KAZN: variants seen among roughly 807,000 people sequenced by gnomAD.
The protein encoded by KAZN is kazrin.
KAZN carries 40 observed loss-of-function variants against 87.4 expected under a neutral mutation model. The observed-to-expected ratio is 0.46, with a 90% CI of 0.36 to 0.60. KAZN has a LOEUF of 0.60. KAZN is among the 20% of genes least tolerant of loss of function. The probability of loss-of-function intolerance (pLI) is 0.00; values close to 1 mark genes in which losing one functional copy is unlikely to be tolerated. For synonymous variants in KAZN, 466 were observed against 458.3 expected (o/e 1.02, Z -0.22); for missense variants, 898 against 1,073.9 (o/e 0.84, Z 2.29).
At chr1:14,064,157 C>G (rs996266608) in intron 1 of KAZN, among the ~76,000 whole-genome samples, 1 of 152,130 alleles carries the variant, frequency 6.6e-6, no homozygotes, top group Non-Finnish European at 1.5e-5. Context: ...ACCTCATGAT[C>G]CCTTGGAAGT....
At chr1:14,470,785 TG>T (rs1387406371) in intron 2 of KAZN, among the ~76,000 whole-genome samples, 2 of 152,218 alleles carry the variant, frequency 1.3e-5, no homozygotes, top group Non-Finnish European at 2.9e-5. Flanking sequence ...GTCTCCAGGA[TG>T]GCTCCCCAAG....
At chr1:14,757,823 C>T (rs1644611125) in intron 1 of KAZN, among the ~76,000 whole-genome samples, 1 of 152,124 alleles carries the variant, frequency 6.6e-6, no homozygotes, top group Non-Finnish European at 1.5e-5. Flanking sequence ...ATTCATTTTC[C>T]TGATTGTCCA....
chr1:14,160,854 G>A (rs1645694990), intron 1 of KAZN, among the ~76,000 whole-genome samples: 1 of 152,174 alleles, frequency 6.6e-6, no homozygotes, highest in Non-Finnish European at 1.5e-5. Flanking sequence ...TGTTTTAGAA[G>A]ATTGCATCTG....
chr1:14,146,877 T>A (rs150959241), intron 1 of KAZN, among the ~76,000 whole-genome samples: 2 of 152,116 alleles, frequency 1.3e-5, no homozygotes, highest in African/African-American at 4.8e-5. Flanking sequence ...GGAGATATGG[T>A]TGATCCTTGA....
Position 14,384,924 on chromosome 1 carries a change from C to T in KAZN, c.249+204332C>T, listed in dbSNP as rs557590051. ...TCCTCCTTGTACCTCTGGTAGAATT[C>T]GGCTGTGAATCCATCTGGTCCTGGA... On this transcript the variant is annotated intron_variant, in intron 2 of 16. Coordinates refer to the KAZN transcript ENST00000636203. Among the ~76,000 whole-genome samples the T allele has an allele frequency of 3.3e-4, 50 of 151,586 alleles. 1 individual carries two copies. The highest frequency in any genetic ancestry group is 3.4e-3 in the Middle Eastern group (1 of 294).
At chr1:14,289,512 T>G (rs1170914606) in intron 2 of KAZN, among the ~76,000 whole-genome samples, 1 of 152,032 alleles carries the variant, frequency 6.6e-6, no homozygotes, top group Non-Finnish European at 1.5e-5. Context: ...ACTCTGCCTT[T>G]TTTTTTTTAC....
intron 2 of KAZN, among the ~76,000 whole-genome samples, chr1:14,331,421 T>G (rs2100871827): frequency 6.6e-6 from 1 of 152,328 alleles, no homozygotes; most frequent in South Asian, 2.1e-4. Context: ...CAGTAGTTTC[T>G]GAGATATTGA....
chr1:14,805,623 T>G (rs926007113), intron 1 of KAZN, among the ~76,000 whole-genome samples: 1 of 151,914 alleles, frequency 6.6e-6, no homozygotes, highest in Non-Finnish European at 1.5e-5. Context: ...CCCAGCATGG[T>G]GGCTCATGAC....
chr1:14,295,881 C>T (rs1222237207), intron 2 of KAZN, among the ~76,000 whole-genome samples: 1 of 152,152 alleles, frequency 6.6e-6, no homozygotes, highest in East Asian at 1.9e-4. Context: ...CTGTCTGCCT[C>T]TTCTGGAGTT....
chr1:14,898,871 T>C (rs564153255), intron 1 of KAZN, among the ~76,000 whole-genome samples: 1 of 152,214 alleles, frequency 6.6e-6, no homozygotes, highest in Non-Finnish European at 1.5e-5. Flanking sequence ...CTATAAACCA[T>C]CAAAATGTCC....
intron 1 of KAZN, among the ~76,000 whole-genome samples, chr1:14,047,387 T>C (rs1357575101): frequency 6.6e-6 from 1 of 152,166 alleles, no homozygotes; most frequent in Non-Finnish European, 1.5e-5. Context: ...CTTGACCTCT[T>C]GCCTGGACAC....
chr1:14,385,067 T>G (rs1180945171), intron 2 of KAZN, among the ~76,000 whole-genome samples: 1 of 151,854 alleles, frequency 6.6e-6, no homozygotes, highest in African/African-American at 2.4e-5. Context: ...GTCGAGGAAT[T>G]TATCCATTTC....
intron 1 of KAZN, among the ~76,000 whole-genome samples, chr1:13,921,341 G>A (rs1640060573): frequency 6.6e-6 from 1 of 152,140 alleles, no homozygotes; most frequent in African/African-American, 2.4e-5. Context: ...CAGGCCAGAT[G>A]GTATCTGTCA....
chr1:14,454,544 G>A (rs1201324141), intron 2 of KAZN, among the ~76,000 whole-genome samples: 1 of 152,192 alleles, frequency 6.6e-6, no homozygotes, highest in Non-Finnish European at 1.5e-5. Flanking sequence ...GCTGCCCCTT[G>A]AAGAGAGGAT....
In KAZN at chr1:14,069,553, A is replaced by G. The variant is rs549243518; in HGVS notation, c.92-110882A>G. On this transcript the variant is annotated intron_variant, in intron 1 of 16. Transcript: ENST00000636203. ...CAAATGATAGTGATCTGTTATTTGG[A>G]GCCATATCTGTGTTACCGGGAAGAT... is the stretch of plus-strand genomic sequence containing the variant. Among the ~76,000 whole-genome samples the G allele has an allele frequency of 1.2e-4, 18 of 152,316 alleles. 1 individual carries two copies. Among genetic ancestry groups the G allele is most frequent in the African/African-American group, 4.3e-4 (18 of 41,562 alleles).
rs114879261 is a variant in KAZN, at chr1:14,061,300, T to G, written c.92-119135T>G. 5.0e-3 allele frequency among the ~76,000 whole-genome samples: 758 copies of G among 152,138 alleles called. 6 individuals carry two copies. The highest frequency in any genetic ancestry group is 0.017 in the African/African-American group (700 of 41,470). On this transcript the variant is annotated intron_variant, in intron 1 of 16. Transcript: ENST00000636203. ...TGGGGAGGGAGGTGTTGAGGAAGAC[T>G]TTCTGGAGAGTTAGTGACCTATAAA... is the stretch of plus-strand genomic sequence containing the variant.
intron 1 of KAZN, among the ~76,000 whole-genome samples, chr1:14,041,476 A>G (rs762477175): frequency 1.3e-5 from 2 of 152,162 alleles, no homozygotes; most frequent in Admixed American, 6.5e-5. Flanking sequence ...GCTGTATAGA[A>G]TGCTCCTCAA....
chr1:14,838,499 T>G (rs778374597), intron 1 of KAZN, among the ~76,000 whole-genome samples: 11 of 152,202 alleles, frequency 7.2e-5, no homozygotes, highest in Non-Finnish European at 1.6e-4. Flanking sequence ...ATCTTCCCTC[T>G]TGCTAACTTT....
At chr1:15,106,858 A>T (rs180745434) in intron 13 of KAZN, among the ~76,000 whole-genome samples, 3 of 152,224 alleles carry the variant, frequency 2.0e-5, no homozygotes, top group Non-Finnish European at 4.4e-5. Flanking sequence ...ACAATGTGTC[A>T]GTCATAGGAC....
Sources: allele counts gnomAD v4.1 joint callset (sites outside exome capture counted in the v4.1 genomes callset), GRCh38; gene constraint gnomAD v4.1.1; transcripts MANE v1.5; gene names NCBI Gene and HGNC (gene_info 2026-07-23, HGNC 2026-07-21).